The following SLC71A2 variants were observed in gnomAD, a reference collection of about 807,000 sequenced individuals.
SLC71A2 encodes hippocampus abundant transcript-like 1.
chr9:94,392,786 A>G, the SLC71A2 span, among the ~76,000 whole-genome samples: 1 of 152,268 alleles, frequency 6.6e-6, no homozygotes, highest in East Asian at 1.9e-4. Flanking sequence ...GGCATGAGCC[A>G]CCACACCCGG....
chr9:94,389,214 T>A, the SLC71A2 span, among the ~76,000 whole-genome samples: 1 of 151,578 alleles, frequency 6.6e-6, no homozygotes, highest in African/African-American at 2.4e-5. Flanking sequence ...TGTGTGCTCT[T>A]CATAAGTAGG....
chr9:94,389,079 T>C, the SLC71A2 span, among the ~76,000 whole-genome samples: 3 of 151,734 alleles, frequency 2.0e-5, no homozygotes. Context: ...GTTTTCTCAG[T>C]ATATGTATGA....
chr9:94,385,043 C>T, the SLC71A2 span, among the ~76,000 whole-genome samples: 2 of 151,772 alleles, frequency 1.3e-5, no homozygotes, highest in Admixed American at 1.3e-4. Flanking sequence ...TTGAACTTCT[C>T]CTCCTCCAGA....
the SLC71A2 span, among the ~76,000 whole-genome samples, chr9:94,387,802 A>G: frequency 1.3e-5 from 2 of 152,154 alleles, no homozygotes; most frequent in East Asian, 1.9e-4. Context: ...AGAGTTAGGC[A>G]TTGTCATGTA....
the SLC71A2 span, chr9:94,438,485 T>G: frequency 6.2e-7 from 1 of 1,613,848 alleles, no homozygotes; most frequent in Non-Finnish European, 8.5e-7. Context: ...CGGCACTGTA[T>G]TCTTTACCTG....
the SLC71A2 span, among the ~76,000 whole-genome samples, chr9:94,446,425 A>T: frequency 6.6e-6 from 1 of 152,208 alleles, no homozygotes; most frequent in Non-Finnish European, 1.5e-5. Flanking sequence ...ACCTATACGG[A>T]AACGCTCTGT....
chr9:94,449,139 A>G, the SLC71A2 span, among the ~76,000 whole-genome samples: 1 of 152,242 alleles, frequency 6.6e-6, no homozygotes, highest in Non-Finnish European at 1.5e-5. Flanking sequence ...CTCTTTATGT[A>G]GGTAATAAAC....
chr9:94,447,012 G>A, the SLC71A2 span: 1 of 787,236 alleles, frequency 1.3e-6, no homozygotes, highest in Non-Finnish European at 2.2e-6. Flanking sequence ...ATATTTTGAG[G>A]AAACCACTGC....
the SLC71A2 span, among the ~76,000 whole-genome samples, chr9:94,412,239 TA>T: frequency 6.6e-6 from 1 of 152,234 alleles, no homozygotes; most frequent in Non-Finnish European, 1.5e-5. Context: ...CCAATCTTTT[TA>T]TTGGGCTGTT....
At chr9:94,444,672 A>G in the SLC71A2 span, among the ~76,000 whole-genome samples, 1 of 152,240 alleles carries the variant, frequency 6.6e-6, no homozygotes. Flanking sequence ...TGTTTGTAAT[A>G]AGATAATCCT....
chr9:94,404,809 G>C, the SLC71A2 span, among the ~76,000 whole-genome samples: 1 of 152,134 alleles, frequency 6.6e-6, no homozygotes, highest in Non-Finnish European at 1.5e-5. Flanking sequence ...TGTCTTGATA[G>C]TATCCTTTGA....
chr9:94,423,029 C>G, the SLC71A2 span, among the ~76,000 whole-genome samples: 1,658 of 149,938 alleles, frequency 0.011, 15 homozygotes, highest in Non-Finnish European at 0.017. Context: ...GTCTGCCTCC[C>G]GGGTTCAAGC....
At chr9:94,434,090 T>G in the SLC71A2 span, among the ~76,000 whole-genome samples, 4 of 152,152 alleles carry the variant, frequency 2.6e-5, no homozygotes, top group Non-Finnish European at 5.9e-5. Context: ...TTGAAGTATA[T>G]TCTACAAATA....
the SLC71A2 span, chr9:94,446,825 G>T: frequency 1.3e-6 from 2 of 1,561,480 alleles, no homozygotes; most frequent in Admixed American, 3.3e-5. Context: ...ATTCTCAGTC[G>T]TTGAAGAAAG....
At chr9:94,421,138 G>A in the SLC71A2 span, among the ~76,000 whole-genome samples, 1 of 143,196 alleles carries the variant, frequency 7.0e-6, no homozygotes, top group Non-Finnish European at 1.5e-5. Flanking sequence ...CTGTGTAGGA[G>A]TTTGATCTGA....
At chr9:94,458,327 G>A in the SLC71A2 span, 4 of 1,606,842 alleles carry the variant, frequency 2.5e-6, no homozygotes, top group Non-Finnish European at 3.4e-6. Context: ...TTTAGGAGTT[G>A]CCCAGGGGAT....
the SLC71A2 span, among the ~76,000 whole-genome samples, chr9:94,455,398 T>TTTTTG: frequency 7.8e-6 from 1 of 127,552 alleles, no homozygotes; most frequent in African/African-American, 3.7e-5. Context: ...TTTTTTTTTT[T>TTTTTG]GTAAAGACAA....
the SLC71A2 span, among the ~76,000 whole-genome samples, chr9:94,443,538 C>T: frequency 6.6e-6 from 1 of 151,734 alleles, no homozygotes; most frequent in Non-Finnish European, 1.5e-5. Flanking sequence ...AGTGAGTTAA[C>T]ACTTACTAAG....
the SLC71A2 span, among the ~76,000 whole-genome samples, chr9:94,378,792 T>C: frequency 1.8e-3 from 276 of 152,024 alleles, no homozygotes; most frequent in African/African-American, 6.3e-3. Context: ...GAGACAGATA[T>C]CCAAATGCTA....
Sources: gnomAD v4.1 joint callset for allele counts (sites outside exome capture counted in the v4.1 genomes callset) on GRCh38, gnomAD v4.1.1 for gene constraint, MANE v1.5 for transcripts, NCBI Gene and HGNC (gene_info 2026-07-23, HGNC 2026-07-21) for gene names.